The following SLCO3A1 variants were observed in gnomAD, a reference collection of about 807,000 sequenced individuals.
SLCO3A1 encodes the protein PGE1 transporter.
In SLCO3A1, 27 loss-of-function variants were observed where a neutral mutation model predicts 63.1. The observed-to-expected ratio is 0.43, with a 90% confidence interval of 0.32 to 0.59. The LOEUF is 0.59. SLCO3A1 is among the 20% of genes least tolerant of loss of function. SLCO3A1 has a pLI of 0.09. For synonymous variants in SLCO3A1, 473 were observed against 409.9 expected (o/e 1.15, Z -1.86); for missense variants, 773 against 945.8 (o/e 0.82, Z 2.40).
chr15:92,041,642 C>G lies in SLCO3A1; in HGVS notation c.647-53239C>G, dbSNP rs548835498. Among the ~76,000 whole-genome samples, 6 of 152,262 alleles carry G rather than the reference C, an allele frequency of 3.9e-5. No individual in the cohort carries two copies. The East Asian group carries it at 1.2e-3, about 29-fold the overall frequency. ...ATGTGCATATGTGTGTAATTCAAATCATAGTTGCAGAATCTGAGGGATCTT... is the reference window on the plus strand; with the variant it reads ...ATGTGCATATGTGTGTAATTCAAATGATAGTTGCAGAATCTGAGGGATCTT... On this transcript the variant is annotated intron_variant, in intron 2 of 9. Coordinates refer to ENST00000318445, the MANE Select transcript of SLCO3A1 (RefSeq NM_013272.4).
intron 9 of SLCO3A1, among the ~76,000 whole-genome samples, chr15:92,154,363 G>A (rs1232150700): frequency 3.9e-5 from 6 of 152,202 alleles, no homozygotes; most frequent in Admixed American, 2.6e-4. Context: ...GTAGACCAGC[G>A]CTCTCCAGTG....
At chr15:92,031,793 C>T (rs11074033) in intron 2 of SLCO3A1, among the ~76,000 whole-genome samples, 67,543 of 152,012 alleles carry the variant, frequency 0.44, 15,848 homozygotes, top group South Asian at 0.61. Context: ...TATCCTTTCT[C>T]TGTATTATAA....
At chr15:92,024,337 C>T (rs1365425258) in intron 2 of SLCO3A1, among the ~76,000 whole-genome samples, 1 of 152,196 alleles carries the variant, frequency 6.6e-6, no homozygotes, top group Non-Finnish European at 1.5e-5. Flanking sequence ...GCTTCCCTCA[C>T]TTTCATTCCC....
chr15:92,102,329 C>CT (rs1489930390), intron 3 of SLCO3A1, among the ~76,000 whole-genome samples: 2 of 152,030 alleles, frequency 1.3e-5, no homozygotes, highest in East Asian at 1.9e-4. Context: ...ATGCTGTACC[C>CT]TTTTTTAAAA....
intron 2 of SLCO3A1, among the ~76,000 whole-genome samples, chr15:91,994,366 A>C (rs1489839380): frequency 6.6e-6 from 1 of 151,650 alleles, no homozygotes; most frequent in Non-Finnish European, 1.5e-5. Context: ...ATTTTTATGG[A>C]TATATAGAGA....
At chr15:92,150,384 G>C (rs764893065) in intron 8 of SLCO3A1, among the ~76,000 whole-genome samples, 6 of 152,130 alleles carry the variant, frequency 3.9e-5, no homozygotes, top group Non-Finnish European at 5.9e-5. Flanking sequence ...TCAATACTTT[G>C]CATCCTTCAA....
At chr15:91,880,135 A>G (rs71411115) in intron 1 of SLCO3A1, among the ~76,000 whole-genome samples, 54,470 of 105,478 alleles carry the variant, frequency 0.52, 14,578 homozygotes, top group South Asian at 0.65. Context: ...CCGTCCGTCC[A>G]TCCATCCATC....
chr15:91,855,106 G>C (rs1597058116), intron 1 of SLCO3A1, among the ~76,000 whole-genome samples: 1 of 152,174 alleles, frequency 6.6e-6, no homozygotes, highest in African/African-American at 2.4e-5. Context: ...CATAGACTTT[G>C]AGTATTCCTG....
At chr15:92,153,354 C>T (rs999783840) in intron 9 of SLCO3A1, 1 of 152,198 alleles carries the variant, frequency 6.6e-6, no homozygotes. Flanking sequence ...GTGACCCACC[C>T]TATTGATTTT....
chr15:91,858,680 C>T (rs369990899), intron 1 of SLCO3A1, among the ~76,000 whole-genome samples: 6 of 152,242 alleles, frequency 3.9e-5, no homozygotes, highest in African/African-American at 1.4e-4. Context: ...TGCAGCTCAT[C>T]TTGGGTGCTG....
At chr15:92,128,214 A>C (rs1257453157) in intron 6 of SLCO3A1, 137 bp from the exon 7 acceptor site, 2 of 1,050,824 alleles carry the variant, frequency 1.9e-6, no homozygotes, top group Non-Finnish European at 2.8e-6. Context: ...AGGAAAAGGG[A>C]AGGGAGAACC....
At chr15:92,041,240 C>T (rs2046793014) in intron 2 of SLCO3A1, among the ~76,000 whole-genome samples, 1 of 152,156 alleles carries the variant, frequency 6.6e-6, no homozygotes, top group African/African-American at 2.4e-5. Flanking sequence ...CCCTTTTGTG[C>T]ATGTATAGTA....
chr15:92,059,631 G>A (rs867119076), intron 2 of SLCO3A1, among the ~76,000 whole-genome samples: 1 of 152,150 alleles, frequency 6.6e-6, no homozygotes. Flanking sequence ...TCCACAGTAA[G>A]CCTAGTGGCT....
chr15:92,152,613 T>C (rs2048321385), intron 9 of SLCO3A1, among the ~76,000 whole-genome samples: 1 of 152,112 alleles, frequency 6.6e-6, no homozygotes, highest in Admixed American at 6.5e-5. Context: ...AGTGGGAGGG[T>C]GCAGTCTGCA....
chr15:92,086,397 A>G (rs913366064), intron 2 of SLCO3A1, among the ~76,000 whole-genome samples: 1 of 152,086 alleles, frequency 6.6e-6, no homozygotes, highest in African/African-American at 2.4e-5. Context: ...CTTATTGTTC[A>G]TTTGGATTTC....
At chr15:92,018,920 G>A (rs1037261696) in intron 2 of SLCO3A1, among the ~76,000 whole-genome samples, 2 of 152,154 alleles carry the variant, frequency 1.3e-5, no homozygotes, top group South Asian at 2.1e-4. Flanking sequence ...TCACTCCCCT[G>A]GTGCTGGGCC....
chr15:92,162,670 T>G, intron 9 of SLCO3A1, 86 bp from the exon 10 acceptor site: 1 of 1,520,080 alleles, frequency 6.6e-7, no homozygotes, highest in Non-Finnish European at 8.8e-7. Flanking sequence ...TGCCTAGCAG[T>G]GCTATAAGAA....
intron 2 of SLCO3A1, among the ~76,000 whole-genome samples, chr15:92,046,960 C>T (rs1223005993): frequency 8.8e-6 from 1 of 113,018 alleles, no homozygotes; most frequent in Non-Finnish European, 1.7e-5. Flanking sequence ...CATTGAAAAC[C>T]ATTGCCTTTG....
intron 2 of SLCO3A1, among the ~76,000 whole-genome samples, chr15:92,003,259 A>G (rs1003623063): frequency 6.6e-6 from 1 of 152,198 alleles, no homozygotes; most frequent in Non-Finnish European, 1.5e-5. Context: ...TGTCGAGTGC[A>G]CTTATGCGTG....
Sources: gnomAD v4.1 joint callset for allele counts (sites outside exome capture counted in the v4.1 genomes callset) on GRCh38, gnomAD v4.1.1 for gene constraint, MANE v1.5 for transcripts, NCBI Gene and HGNC (gene_info 2026-07-23, HGNC 2026-07-21) for gene names.